NIPBL: variants seen among roughly 807,000 people sequenced by gnomAD.
NIPBL encodes NIPBL cohesin loading factor, also known as nipped-B-like protein.
A neutral mutation model predicts 321.8 loss-of-function variants in NIPBL; 19 were observed. That is an observed-to-expected ratio of 0.06 (90% CI 0.04 to 0.09). The LOEUF (loss-of-function observed/expected upper bound fraction) is 0.09. Ranked by LOEUF, NIPBL falls within the 10% of genes least tolerant of loss-of-function variation. NIPBL has a pLI of 1.00. For missense variants in NIPBL, 2,210 were observed against 3,327.0 expected (o/e 0.66, Z 8.26); for synonymous variants, 1,106 against 1,114.1 (o/e 0.99, Z 0.14).
intron 1 of NIPBL, among the ~76,000 whole-genome samples, chr5:36,952,032 G>GTA (rs1740358636): frequency 9.5e-6 from 1 of 104,950 alleles, no homozygotes; most frequent in Non-Finnish European, 2.2e-5. Context: ...GTGTGTGTGT[G>GTA]TGTGTGTGTG....
At chr5:36,977,823 G>T (rs1192600811) in intron 9 of NIPBL, among the ~76,000 whole-genome samples, 7 of 151,596 alleles carry the variant, frequency 4.6e-5, no homozygotes, top group Non-Finnish European at 7.4e-5. Context: ...TGTACCCATT[G>T]TTGAATTCCC....
chr5:36,896,204 G>A (rs1480074065), intron 1 of NIPBL, among the ~76,000 whole-genome samples: 1 of 152,292 alleles, frequency 6.6e-6, no homozygotes, highest in South Asian at 2.1e-4. Flanking sequence ...CCCATTGAAT[G>A]GTCTTGGCAT....
chr5:37,053,417 T>G (rs1176751647), intron 42 of NIPBL, among the ~76,000 whole-genome samples: 3 of 152,192 alleles, frequency 2.0e-5, no homozygotes, highest in Non-Finnish European at 4.4e-5. Flanking sequence ...CTGTACTGGT[T>G]TTTCCAATAC....
chr5:37,014,014 C>T (rs1393143230), intron 21 of NIPBL, among the ~76,000 whole-genome samples: 3 of 152,206 alleles, frequency 2.0e-5, no homozygotes, highest in East Asian at 3.9e-4. Context: ...GAGACCAGCC[C>T]AGCCAACACA....
At chr5:36,924,280 A>G (rs1429977629) in intron 1 of NIPBL, among the ~76,000 whole-genome samples, 5 of 152,148 alleles carry the variant, frequency 3.3e-5, no homozygotes, top group Non-Finnish European at 7.4e-5. Context: ...ATGGATGATT[A>G]ATAAAATGTT....
intron 8 of NIPBL, among the ~76,000 whole-genome samples, chr5:36,974,439 A>G (rs760136295): frequency 3.3e-5 from 5 of 152,202 alleles, no homozygotes; most frequent in Non-Finnish European, 7.4e-5. Context: ...ATAATGGTAT[A>G]TTACAATTCA....
rs558986210 is a variant in NIPBL at position 37,002,430 on chromosome 5, T to C, written c.3665-232T>C. 5.9e-5 allele frequency among the ~76,000 whole-genome samples: 9 copies of C among 152,312 alleles called. No homozygotes were observed. In the South Asian group the frequency reaches 1.9e-3, roughly 32 times the overall value. On this transcript the variant is annotated intron_variant, in intron 14 of 46. Coordinates refer to ENST00000282516, the MANE Select transcript of NIPBL (RefSeq NM_133433.4). ...TGGTTGAGAAAGAGTCAAGAGTATA[T>C]CTAAAGTAGTAAAGATAAGATATCT...
chr5:36,954,665 CCT>C (rs1416685040), intron 2 of NIPBL, among the ~76,000 whole-genome samples: 12 of 151,980 alleles, frequency 7.9e-5, no homozygotes, highest in Non-Finnish European at 1.5e-4. Context: ...TCCAGGAAGC[CCT>C]GTTCATTAAG....
rs968330631 is a variant in NIPBL, at chr5:37,000,552, C to G, written c.3484C>G (p.Pro1162Ala). Reference sequence around the variant, plus strand: ...TTCTGACATGGAAGATTATTCTCCTCCTCCCAGCCTTAGTGAGGGTAATTC... The same window carrying G: ...TTCTGACATGGAAGATTATTCTCCTGCTCCCAGCCTTAGTGAGGGTAATTC... ...SDSDMEDYSP[P>A]PSLSEVARKM... Residue 1162 changes from proline to alanine, a missense_variant, in exon 12 of 47, where the codon CCT becomes GCT. By Grantham distance (27) the Pro-to-Ala change is conservative. Coordinates refer to ENST00000282516, the MANE Select transcript of NIPBL (RefSeq NM_133433.4). 1.9e-6 allele frequency: 3 copies of G among 1,613,156 alleles called. No individual in the cohort carries two copies. Among genetic ancestry groups the G allele is most frequent in the Non-Finnish European group, 2.5e-6 (3 of 1,179,456 alleles).
chr5:36,963,787 C>T (rs1455657835), intron 6 of NIPBL, among the ~76,000 whole-genome samples: 1 of 151,976 alleles, frequency 6.6e-6, no homozygotes, highest in Non-Finnish European at 1.5e-5. Context: ...AGACCTATCT[C>T]AAAGAAAAGA....
chr5:36,944,334 C>T (rs904543530), intron 1 of NIPBL, among the ~76,000 whole-genome samples: 4 of 152,068 alleles, frequency 2.6e-5, no homozygotes, highest in African/African-American at 9.7e-5. Context: ...ATCTCTTCCA[C>T]GTATACCTTT....
At chr5:36,952,059 C>CGT (rs1561070154) in intron 1 of NIPBL, among the ~76,000 whole-genome samples, 2 of 74,494 alleles carry the variant, frequency 2.7e-5, no homozygotes, top group East Asian at 4.5e-4. Flanking sequence ...TGTGTGCGCG[C>CGT]GCGCGCGCGC....
intron 1 of NIPBL, chr5:36,886,203 G>T: frequency 1.5e-6 from 1 of 653,916 alleles, no homozygotes. Context: ...GCTATGCCCT[G>T]CAGGTAGAGC....
chr5:37,026,737 A>G (rs1180085080), intron 31 of NIPBL, among the ~76,000 whole-genome samples: 6 of 152,172 alleles, frequency 3.9e-5, no homozygotes, highest in African/African-American at 1.4e-4. Context: ...TGTTTTTAAT[A>G]TAAGAAATTT....
chr5:36,918,808 T>G (rs1210848064), intron 1 of NIPBL, among the ~76,000 whole-genome samples: 1 of 152,192 alleles, frequency 6.6e-6, no homozygotes, highest in East Asian at 1.9e-4. Context: ...TTTGGTTCTG[T>G]TTATATGATG....
At chr5:36,955,691 A>G in intron 3 of NIPBL, 54 bp downstream of exon 3, 1 of 1,414,300 alleles carries the variant, frequency 7.1e-7, no homozygotes, top group African/African-American at 1.4e-5. Flanking sequence ...GGCCTTACTA[A>G]GAGAATCCGT....
At chr5:36,928,805 A>G (rs1749555936) in intron 1 of NIPBL, among the ~76,000 whole-genome samples, 1 of 152,028 alleles carries the variant, frequency 6.6e-6, no homozygotes, top group Admixed American at 6.6e-5. Flanking sequence ...TTCACTTTGC[A>G]TGTTTTGAGG....
intron 1 of NIPBL, among the ~76,000 whole-genome samples, chr5:36,880,138 C>CA (rs35629143): frequency 1 from 152,137 of 152,148 alleles, 76,063 homozygotes; most frequent in Non-Finnish European, 1. Context: ...AAAATATGAG[C>CA]AAGCTATACC....
intron 17 of NIPBL, 91 bp downstream of exon 17, chr5:37,006,679 C>T (rs1747469367): frequency 4.1e-6 from 3 of 723,934 alleles, no homozygotes; most frequent in Admixed American, 2.2e-5. Context: ...ATTTTTGAAT[C>T]ATATAACTTG....
Sources: gnomAD v4.1 joint callset for allele counts (sites outside exome capture counted in the v4.1 genomes callset) on GRCh38, gnomAD v4.1.1 for gene constraint, MANE v1.5 for transcripts, NCBI Gene and HGNC (gene_info 2026-07-23, HGNC 2026-07-21) for gene names.